The following POGLUT3 variants were observed in gnomAD, a reference collection of about 807,000 sequenced individuals.
The protein encoded by POGLUT3 is KDEL (Lys-Asp-Glu-Leu) containing 2.
Under a neutral mutation model 54.3 loss-of-function variants are expected in POGLUT3, and 48 were observed. The ratio of observed to expected loss-of-function variants is 0.88; its 90% CI spans 0.70 to 1.12. The LOEUF is 1.12. Among genes scored for constraint, POGLUT3 ranks in the 50% most tolerant of loss-of-function variants. POGLUT3 has a pLI of 0.00. For missense variants in POGLUT3, 629 were observed against 618.7 expected, an observed-to-expected ratio of 1.02 and a Z score of -0.18; for synonymous variants, 218 against 237.4, an observed-to-expected ratio of 0.92 and a Z score of 0.75.
Position 108,479,332 on chromosome 11 carries a change from C to T in POGLUT3, c.1262G>A (p.Ser421Asn), listed in dbSNP as rs2093588116. ...KHYVPIKRNLSDLLEKVKWAK... is the reference protein window; with the variant it reads ...KHYVPIKRNLNDLLEKVKWAK... ...CCATTTAACTTTCTCTAATAAATCA[C>T]TCAGATTTCTTTTAATTGGAACATA... Residue 421 changes from serine (S) to asparagine (N), a missense_variant, in exon 6 of 8, where the codon AGT becomes AAT. By Grantham distance (46) the Ser-to-Asn change is conservative. Coordinates refer to ENST00000323468, the MANE Select transcript of POGLUT3 (RefSeq NM_153705.5). The T allele has an allele frequency of 2.5e-6, 4 of 1,610,874 alleles. No individual in the cohort carries two copies. The highest frequency in any genetic ancestry group is 3.4e-6 in the Non-Finnish European group (4 of 1,179,448).
intron 7 of POGLUT3, among the ~76,000 whole-genome samples, chr11:108,475,550 T>A (rs573939547): frequency 6.3e-5 from 9 of 143,618 alleles, no homozygotes; most frequent in Non-Finnish European, 1.0e-4. Flanking sequence ...CACTGCAGCC[T>A]CCAACATCCT....
chr11:108,486,062 T>C, intron 3 of POGLUT3, 95 bp downstream of exon 3: 1 of 1,033,654 alleles, frequency 9.7e-7, no homozygotes, highest in Non-Finnish European at 1.4e-6. Context: ...TTTCTCAGCC[T>C]GAAATCTGTT....
At position 108,491,091 on chromosome 11, in the gene POGLUT3, C is replaced by G. The variant is rs755930360; in HGVS notation, c.279G>C (p.Leu93Phe). 1 of 1,612,310 alleles carries G rather than the reference C, an allele frequency of 6.2e-7. No individual in the cohort carries two copies. The highest frequency in any genetic ancestry group is 8.5e-7 in the Non-Finnish European group (1 of 1,179,046). Residue 93 changes from leucine (L) to phenylalanine (F), a missense_variant, in exon 2 of 8, where the codon TTG becomes TTC. By Grantham distance (22) the Leu-to-Phe change is conservative. Coordinates refer to ENST00000323468, the MANE Select transcript of POGLUT3 (RefSeq NM_153705.5). ...TCAAAAATGTTCCATCATTCCTGTC[C>G]AAAGGTTTAGGGACATGTATCCGGA... ...ELVRIHVPKP[L>F]DRNDGTFLMR...
At chr11:108,486,073 T>C in intron 3 of POGLUT3, 84 bp downstream of exon 3, 1 of 1,139,002 alleles carries the variant, frequency 8.8e-7, no homozygotes, top group Non-Finnish European at 1.3e-6. Flanking sequence ...GAAATCTGTT[T>C]CATCCTTTGT....
chr11:108,481,933 C>T (rs769686360), intron 4 of POGLUT3, 73 bp downstream of exon 4: 17 of 1,160,750 alleles, frequency 1.5e-5, no homozygotes, highest in Non-Finnish European at 2.1e-5. Context: ...CTACTGAATG[C>T]AAACATATAT....
chr11:108,486,713 G>T (rs774838160), intron 2 of POGLUT3: 1 of 380,014 alleles, frequency 2.6e-6, no homozygotes, highest in South Asian at 7.5e-5. Flanking sequence ...AGGTATAAAT[G>T]GCTGGCAAAC....
At chr11:108,485,668 A>ATTTATTTC (rs1555183265) in intron 3 of POGLUT3, among the ~76,000 whole-genome samples, 2 of 149,584 alleles carry the variant, frequency 1.3e-5, no homozygotes, top group Admixed American at 1.3e-4. Context: ...TTATTTATTT[A>ATTTATTTC]TTTATTTGAG....
In POGLUT3 at chr11:108,482,172, C is replaced by T; in HGVS notation, c.735G>A (p.Leu245=). The T allele has an allele frequency of 6.2e-7, 1 of 1,614,074 alleles. No homozygotes were observed. Among genetic ancestry groups the T allele is most frequent in the Non-Finnish European group, 8.5e-7 (1 of 1,179,986 alleles). The change falls in exon 4 of 8, where the codon TTG becomes TTA. Residue 245 remains leucine, a synonymous_variant. Coordinates refer to ENST00000323468, the MANE Select transcript of POGLUT3 (RefSeq NM_153705.5). ...GGGTTCCATTGACTTTTCGATGCTC[C>T]AAGGGCCAATCTCCAAGATTAACAT... ...EFYVNLGDWP[L]EHRKVNGTPS...
Position 108,498,058 on chromosome 11 carries a change from ACACACGCCGGGGAGGGACGC to A in POGLUT3, c.202+87_202+106del. The A allele has an allele frequency of 4.0e-6, 4 of 990,350 alleles. No individual in the cohort carries two copies. The East Asian group carries it at 1.3e-4, about 33-fold the overall frequency. The allele number at this position is 990,350 out of a possible 1,614,324, so 61.3% of individuals were successfully genotyped here. A position where few individuals can be genotyped will look rare whatever the true frequency, so the allele number is the denominator to read the frequency against. On this transcript the variant is annotated intron_variant, in intron 1 of 7. Transcript: ENST00000323468. ...AGCTGACCAGACCCAAAAAGGGGCG[ACACACGCCGGGGAGGGACGC>A]CACGCAGGCCGCGGGCGGACTCCCG...
chr11:108,480,685 T>C (rs1361055991), intron 5 of POGLUT3, among the ~76,000 whole-genome samples: 1 of 151,762 alleles, frequency 6.6e-6, no homozygotes, highest in Non-Finnish European at 1.5e-5. Context: ...TCTGAAGGAG[T>C]AGGCAGGCAT....
chr11:108,486,782 G>A (rs2093604242), intron 2 of POGLUT3: 2 of 218,912 alleles, frequency 9.1e-6, no homozygotes, highest in African/African-American at 2.3e-5. Context: ...TAGACATTAT[G>A]TAAACCAAAA....
chr11:108,480,231 T>A (rs749611891), intron 5 of POGLUT3, among the ~76,000 whole-genome samples: 4 of 152,226 alleles, frequency 2.6e-5, no homozygotes, highest in Non-Finnish European at 5.9e-5. Context: ...ACGCAGTCTA[T>A]GAAACAGGCA....
chr11:108,481,302 C>A lies in POGLUT3; in HGVS notation c.976G>T (p.Val326Leu), dbSNP rs200951518. Residue 326 changes from valine (V) to leucine (L), a missense_variant, in exon 5 of 8, where the codon GTA becomes TTA. By Grantham distance (32) the Val-to-Leu change is conservative (BLOSUM62 1). Coordinates refer to ENST00000323468, the MANE Select transcript of POGLUT3 (RefSeq NM_153705.5). ...TGAGGATTTTCTTTGGACAGCTGTA[C>A]CAACTGGAGCCTCTCCTCTCGGCTG... is the stretch of plus-strand genomic sequence containing the variant. Reference protein sequence around the residue: ...RDSREERLQLVQLSKENPQLL... With the variant: ...RDSREERLQLLQLSKENPQLL... 6 of 1,612,718 alleles carry A rather than the reference C, an allele frequency of 3.7e-6. No individual in the cohort carries two copies. Among genetic ancestry groups the A allele is most frequent in the Non-Finnish European group, 5.1e-6 (6 of 1,179,528 alleles).
chr11:108,474,689 C>A lies in POGLUT3; in HGVS notation c.*138G>T. The stretch of plus-strand genomic sequence containing the variant: ...GATGAGGGATACTCAACCAGTACTG[C>A]TATATCCATCTACATATATAAAGCC... On this transcript the variant is annotated 3_prime_UTR_variant, in exon 8 of 8. Coordinates refer to ENST00000323468, the MANE Select transcript of POGLUT3 (RefSeq NM_153705.5). The A allele has an allele frequency of 1.2e-6, 1 of 846,394 alleles. No homozygotes were observed. Among genetic ancestry groups the A allele is most frequent in the Non-Finnish European group, 1.9e-6 (1 of 539,308 alleles). 52.4% of individuals were successfully genotyped at this position (846,394 alleles called of 1,614,324 possible). A position where few individuals can be genotyped will look rare whatever the true frequency, so the allele number is the denominator to read the frequency against.
rs997991027 is a variant in POGLUT3 at position 108,474,749 on chromosome 11, A to T, written c.*78T>A. The stretch of plus-strand genomic sequence containing the variant: ...ACTAGTCCACTTGGTGCAGTCTTCT[A>T]TACTGTCCTTCACAGCTTAGATTCA... On this transcript the variant is annotated 3_prime_UTR_variant, in exon 8 of 8. Coordinates refer to ENST00000323468, the MANE Select transcript of POGLUT3 (RefSeq NM_153705.5). 6.4e-7 allele frequency: 1 copy of T among 1,565,432 alleles called. No homozygotes were observed. Among genetic ancestry groups the T allele is most frequent in the Admixed American group, 1.7e-5 (1 of 57,834 alleles).
Position 108,481,280 on chromosome 11 carries a change from G to A in POGLUT3, c.998C>T (p.Pro333Leu). The A allele has an allele frequency of 2.5e-6, 4 of 1,612,888 alleles. No individual in the cohort carries two copies. Among genetic ancestry groups the A allele is most frequent in the Middle Eastern group, 1.7e-4 (1 of 6,058 alleles). ...TGTAATTCCTGCATCTAGTAGCTGA[G>A]GATTTTCTTTGGACAGCTGTACCAA... ...LQLVQLSKENPQLLDAGITGY... is the reference protein window; with the variant it reads ...LQLVQLSKENLQLLDAGITGY... Residue 333 changes from proline (P) to leucine (L), a missense_variant, in exon 5 of 8, where the codon CCT becomes CTT. Transcript: ENST00000323468.
rs187616624 is a variant in POGLUT3 at position 108,482,698 on chromosome 11, A to G, written c.685-476T>C. On this transcript the variant is annotated intron_variant, in intron 3 of 7. Coordinates refer to ENST00000323468, the MANE Select transcript of POGLUT3 (RefSeq NM_153705.5). ...GAGGCAGAGGTTGCAGTGAGCCAAG[A>G]TCGCGCCACTGCACTCCAGCCTGGG... Among the ~76,000 whole-genome samples the G allele has an allele frequency of 1.6e-4, 24 of 152,264 alleles. No individual in the cohort carries two copies. The East Asian group carries it at 4.4e-3, about 28-fold the overall frequency.
In POGLUT3 at chr11:108,486,369, T is replaced by C. The variant is rs1482519675; in HGVS notation, c.472A>G (p.Thr158Ala). Residue 158 changes from threonine to alanine, a missense_variant, in exon 3 of 8, where the codon ACC becomes GCC. Coordinates refer to ENST00000323468, the MANE Select transcript of POGLUT3 (RefSeq NM_153705.5). ...QAWQKTLSCP[T>A]KEPQIAKDFA... ...TCTTTTGCAATCTGTGGTTCCTTGGTTGGACAAGAAAGAGTCTTCTGCCAG... is the reference window on the plus strand; with the variant it reads ...TCTTTTGCAATCTGTGGTTCCTTGGCTGGACAAGAAAGAGTCTTCTGCCAG... 2 of 1,614,032 alleles carry C rather than the reference T, an allele frequency of 1.2e-6. No individual in the cohort carries two copies. The highest frequency in any genetic ancestry group is 1.7e-6 in the Non-Finnish European group (2 of 1,180,044).
chr11:108,473,336 C>G lies in POGLUT3; in HGVS notation c.*1491G>C, dbSNP rs751537513. The G allele has an allele frequency of 3.3e-5, 5 of 152,266 alleles. No homozygotes were observed. Among genetic ancestry groups the G allele is most frequent in the Non-Finnish European group, 5.9e-5 (4 of 68,122 alleles). 9.4% of individuals were successfully genotyped at this position (152,266 alleles called of 1,614,324 possible). ...CCTGCCAAAGTGCTGGGATTACAGG[C>G]GTGAGCCACTGCAACCGGCCAGAGT... On this transcript the variant is annotated 3_prime_UTR_variant, in exon 8 of 8. Transcript: ENST00000323468.
Sources: gnomAD v4.1 joint callset for allele counts (sites outside exome capture counted in the v4.1 genomes callset) on GRCh38, gnomAD v4.1.1 for gene constraint, MANE v1.5 for transcripts, NCBI Gene and HGNC (gene_info 2026-07-23, HGNC 2026-07-21) for gene names.